FOXJ3: variants seen among roughly 807,000 people sequenced by gnomAD.
The protein encoded by FOXJ3 is forkhead box J3.
Under a neutral mutation model 76.1 loss-of-function variants are expected in FOXJ3, and 22 were observed. The observed-to-expected ratio is 0.29, with a 90% confidence interval of 0.21 to 0.41. The LOEUF is 0.41. Among genes scored for constraint, FOXJ3 ranks in the 10% least tolerant of loss-of-function variants. The probability of loss-of-function intolerance (pLI) is 1.00; values close to 1 mark genes in which losing one functional copy is unlikely to be tolerated. For synonymous variants in FOXJ3, 269 were observed against 261.2 expected, an observed-to-expected ratio of 1.03 and a Z score of -0.29; for missense variants, 613 against 762.1, an observed-to-expected ratio of 0.80 and a Z score of 2.30.
At chr1:42,194,634 A>G (rs1337896440) in intron 8 of FOXJ3, among the ~76,000 whole-genome samples, 1 of 152,252 alleles carries the variant, frequency 6.6e-6, no homozygotes, top group Non-Finnish European at 1.5e-5. Context: ...ATGCAGTGTC[A>G]GAATTCTTTA....
intron 4 of FOXJ3, among the ~76,000 whole-genome samples, chr1:42,262,493 T>C (rs1161379423): frequency 6.6e-6 from 1 of 152,224 alleles, no homozygotes; most frequent in Non-Finnish European, 1.5e-5. Context: ...CACATAAATG[T>C]ATTTTATAAG....
intron 2 of FOXJ3, among the ~76,000 whole-genome samples, chr1:42,281,192 T>C (rs991286853): frequency 4.5e-5 from 4 of 88,098 alleles, no homozygotes; most frequent in Admixed American, 1.5e-4. Flanking sequence ...TAAAGAGCTA[T>C]GTTACAGTAA....
intron 4 of FOXJ3, among the ~76,000 whole-genome samples, chr1:42,255,289 T>G (rs940016795): frequency 2.6e-5 from 4 of 152,066 alleles, no homozygotes; most frequent in African/African-American, 9.7e-5. Flanking sequence ...TGGAGGGTAG[T>G]ATAATATTAC....
intron 5 of FOXJ3, among the ~76,000 whole-genome samples, chr1:42,226,551 T>C (rs964486862): frequency 6.6e-6 from 1 of 151,838 alleles, no homozygotes; most frequent in African/African-American, 2.4e-5. Flanking sequence ...GGGGTTGCAG[T>C]GAGCTGAGAT....
intron 6 of FOXJ3, 76 bp from the exon 7 acceptor site, chr1:42,199,306 A>G (rs1214221543): frequency 7.7e-7 from 1 of 1,301,108 alleles, no homozygotes; most frequent in East Asian, 2.3e-5. Flanking sequence ...ACAATTGAGC[A>G]GGCATATGGC....
At chr1:42,280,457 A>AAAAC in intron 2 of FOXJ3, 1 of 959,548 alleles carries the variant, frequency 1.0e-6, no homozygotes, top group Non-Finnish European at 1.2e-6. Flanking sequence ...AAAAAAAAAA[A>AAAAC]AAAAAAAAAC....
chr1:42,308,369 G>A (rs746878040), intron 2 of FOXJ3, among the ~76,000 whole-genome samples: 2 of 152,206 alleles, frequency 1.3e-5, no homozygotes, highest in Non-Finnish European at 2.9e-5. Flanking sequence ...CTATGGGAAA[G>A]TAGACTAAAA....
chr1:42,192,775 C>T (rs1421818925), intron 8 of FOXJ3, among the ~76,000 whole-genome samples: 3 of 146,460 alleles, frequency 2.0e-5, no homozygotes, highest in African/African-American at 2.5e-5. Context: ...AAAAAAAAAA[C>T]ACAAGATAAT....
chr1:42,257,563 A>AAAAATAC (rs767326138), intron 4 of FOXJ3, among the ~76,000 whole-genome samples: 5 of 152,086 alleles, frequency 3.3e-5, no homozygotes, highest in Admixed American at 2.0e-4. Flanking sequence ...TGAAAAAGAA[A>AAAAATAC]AAAATACAAA....
intron 1 of FOXJ3, among the ~76,000 whole-genome samples, chr1:42,327,361 A>G (rs894517676): frequency 1.2e-4 from 18 of 152,194 alleles, no homozygotes; most frequent in Non-Finnish European, 2.5e-4. Context: ...ATCCTCATTC[A>G]GAAAGGCCAA....
intron 8 of FOXJ3, among the ~76,000 whole-genome samples, chr1:42,193,708 T>C (rs997583332): frequency 2.0e-5 from 3 of 152,154 alleles, no homozygotes; most frequent in African/African-American, 7.2e-5. Flanking sequence ...GCAAACAGTA[T>C]AAAGACAAGG....
intron 11 of FOXJ3, among the ~76,000 whole-genome samples, chr1:42,187,849 T>C (rs1169751749): frequency 2.6e-5 from 4 of 152,124 alleles, no homozygotes; most frequent in South Asian, 4.2e-4. Flanking sequence ...AGGTAAGCTA[T>C]TCAAAATAGC....
intron 4 of FOXJ3, among the ~76,000 whole-genome samples, chr1:42,241,767 C>G (rs182546360): frequency 6.6e-5 from 10 of 152,310 alleles, no homozygotes; most frequent in African/African-American, 2.2e-4. Context: ...CCTGTACAGC[C>G]CACTGCTGCC....
At chr1:42,315,674 G>C (rs1655065279) in intron 1 of FOXJ3, among the ~76,000 whole-genome samples, 1 of 152,142 alleles carries the variant, frequency 6.6e-6, no homozygotes, top group African/African-American at 2.4e-5. Flanking sequence ...CCAGGCAACT[G>C]AACAGCAACA....
rs529365898 is a variant in FOXJ3, at chr1:42,208,678, A to T, written c.529-2815T>A. 2.6e-5 allele frequency among the ~76,000 whole-genome samples: 4 copies of T among 152,324 alleles called. No homozygotes were observed. The South Asian group carries it at 8.3e-4, about 32-fold the overall frequency. On this transcript the variant is annotated intron_variant, in intron 5 of 12. Coordinates refer to ENST00000361346, the MANE Select transcript of FOXJ3 (RefSeq NM_014947.5). ...CCATTTCTATTCAACATAGTACTGG[A>T]TGGCCTAGCCAAAGCAATTAGGCAA...
intron 4 of FOXJ3, among the ~76,000 whole-genome samples, chr1:42,239,037 A>G (rs1258021055): frequency 6.6e-6 from 1 of 152,138 alleles, no homozygotes; most frequent in Non-Finnish European, 1.5e-5. Flanking sequence ...ATGTATCCCT[A>G]AAGTATTTCA....
intron 3 of FOXJ3, among the ~76,000 whole-genome samples, chr1:42,266,181 A>G (rs540740563): frequency 1.2e-4 from 18 of 152,284 alleles, no homozygotes; most frequent in Admixed American, 1.2e-3. Flanking sequence ...GAATGCCTAT[A>G]ATAAAACTTA....
chr1:42,211,996 G>A (rs1342052601), intron 5 of FOXJ3, among the ~76,000 whole-genome samples: 6 of 152,264 alleles, frequency 3.9e-5, no homozygotes, highest in African/African-American at 9.6e-5. Context: ...GCTCACGCCT[G>A]TAATCCCAGC....
At chr1:42,201,787 A>G (rs941045092) in intron 6 of FOXJ3, among the ~76,000 whole-genome samples, 1 of 152,168 alleles carries the variant, frequency 6.6e-6, no homozygotes, top group African/African-American at 2.4e-5. Context: ...GTGTTTATAT[A>G]CAATCAATAT....
Sources: gnomAD v4.1 joint callset for allele counts (sites outside exome capture counted in the v4.1 genomes callset) on GRCh38, gnomAD v4.1.1 for gene constraint, MANE v1.5 for transcripts, NCBI Gene and HGNC (gene_info 2026-07-23, HGNC 2026-07-21) for gene names.